ASB13: variants seen among roughly 807,000 people sequenced by gnomAD.
ASB13 encodes the protein ankyrin repeat and SOCS box containing 13, also known as ankyrin repeat and SOCS box protein 13.
A neutral mutation model predicts 28.8 loss-of-function variants in ASB13; 33 were observed. That is an observed-to-expected ratio of 1.15 (90% CI 0.87 to 1.53). The LOEUF is 1.53. Ranked by LOEUF, ASB13 falls within the 40% of genes most tolerant of loss-of-function variation. The probability of loss-of-function intolerance (pLI) is 0.00; values close to 1 mark genes in which losing one functional copy is unlikely to be tolerated. For missense variants in ASB13, 414 were observed against 390.1 expected (o/e 1.06, Z -0.52); for synonymous variants, 182 against 172.9 (o/e 1.05, Z -0.41).
At position 5,655,607 on chromosome 10, in the gene ASB13, TG is replaced by T. The variant is rs1202528642; in HGVS notation, c.44-2558del. ...AAAGGAAGATTCGATCCCCACAAAA[TG>T]TAAAAGTCAAGCTTGTGGAACTTTC... On this transcript the variant is annotated intron_variant, in intron 1 of 5. Coordinates refer to ENST00000357700, the MANE Select transcript of ASB13 (RefSeq NM_024701.4). This position sits in a 1 kb window ranked among gnomAD's most constrained non-coding sequence, Gnocchi z 6.2. 6.6e-6 allele frequency among the ~76,000 whole-genome samples: 1 copy of T among 152,144 alleles called. No homozygotes were observed. The highest frequency in any genetic ancestry group is 1.5e-5 in the Non-Finnish European group (1 of 68,038).
rs188751475 is a variant in ASB13 at position 5,642,733 on chromosome 10, G to A, written c.518-772C>T. Among the ~76,000 whole-genome samples, 133 of 151,148 alleles carry A rather than the reference G, an allele frequency of 8.8e-4. No homozygotes were observed. Among genetic ancestry groups the A allele is most frequent in the African/African-American group, 2.9e-3 (119 of 41,168 alleles). Reference sequence around the variant, plus strand: ...ATGATCTCGGCTCACTGCAACCTCCGCCTCCAGGGTTCAAGCGATTCTCCT... The same window carrying A: ...ATGATCTCGGCTCACTGCAACCTCCACCTCCAGGGTTCAAGCGATTCTCCT... On this transcript the variant is annotated intron_variant, in intron 4 of 5. Coordinates refer to ENST00000357700, the MANE Select transcript of ASB13 (RefSeq NM_024701.4). This position sits in a 1 kb window ranked among gnomAD's most constrained non-coding sequence, Gnocchi z 4.1.
rs1458777216 is a variant in ASB13, at chr10:5,659,147, T to C, written c.44-6097A>G. On this transcript the variant is annotated intron_variant, in intron 1 of 5. Transcript: ENST00000357700. This position sits in a 1 kb window ranked among gnomAD's most constrained non-coding sequence, Gnocchi z 5.8. The stretch of plus-strand genomic sequence containing the variant: ...TGGATTGCAGGCTGCTTCCAGCCCC[T>C]GTGCCAGGCTCCCTGTGGTGGCAAG... Among the ~76,000 whole-genome samples, 1 of 152,194 alleles carries C rather than the reference T, an allele frequency of 6.6e-6. No homozygotes were observed. The highest frequency in any genetic ancestry group is 2.1e-4 in the South Asian group (1 of 4,834).
rs1214275719 is a variant in ASB13, at chr10:5,639,688, C to T, written c.*1015G>A. 4 of 604 alleles carry T rather than the reference C, an allele frequency of 6.6e-3. No individual in the cohort carries two copies. Among genetic ancestry groups the T allele is most frequent in the Non-Finnish European group, 0.048 (4 of 84 alleles). 0.0% of individuals were successfully genotyped at this position (604 alleles called of 1,614,324 possible). ...GCTGCAGAGTCCCATTCCCGTCCAA[C>T]TCAAAGCACTGGGACAATGCTGGAT... is the stretch of plus-strand genomic sequence containing the variant. On this transcript the variant is annotated 3_prime_UTR_variant, in exon 6 of 6. Coordinates refer to ENST00000357700, the MANE Select transcript of ASB13 (RefSeq NM_024701.4).
Position 5,653,014 on chromosome 10 carries a change from G to A in ASB13, c.80C>T (p.Ala27Val). The change falls in exon 2 of 6, where the codon GCC (alanine) becomes GTC (valine). Residue 27 changes from alanine to valine, a missense_variant. Transcript: ENST00000357700. ...CAGCTGCAGGCTCTCACCCCGCTGG[G>A]CTGCCTCGTGCACAGGGGTCCGCTC... ...WVERTPVHEA[A>V]QRGESLQLQQ... The A allele has an allele frequency of 6.4e-7, 1 of 1,550,948 alleles. No individual in the cohort carries two copies. Among genetic ancestry groups the A allele is most frequent in the Non-Finnish European group, 8.7e-7 (1 of 1,146,896 alleles).
Position 5,642,102 on chromosome 10 carries a change from G to T in ASB13, c.518-141C>A. 1.3e-6 allele frequency: 1 copy of T among 754,366 alleles called. No individual in the cohort carries two copies. The highest frequency in any genetic ancestry group is 2.1e-6 in the Non-Finnish European group (1 of 485,626). 46.7% of individuals were successfully genotyped at this position (754,366 alleles called of 1,614,324 possible). Reference sequence around the variant, plus strand: ...CAAAATCAGGACAGACTCTACCGTAGCTTTCAAAAATGTTTTTCAACATCC... The same window carrying T: ...CAAAATCAGGACAGACTCTACCGTATCTTTCAAAAATGTTTTTCAACATCC... On this transcript the variant is annotated intron_variant, in intron 4 of 5. Coordinates refer to ENST00000357700, the MANE Select transcript of ASB13 (RefSeq NM_024701.4). This position sits in a 1 kb window ranked among gnomAD's most constrained non-coding sequence, Gnocchi z 4.1.
At chr10:5,662,487 G>A (rs1293700582) in intron 1 of ASB13, among the ~76,000 whole-genome samples, 1 of 143,774 alleles carries the variant, frequency 7.0e-6, no homozygotes, top group Admixed American at 7.3e-5. Context: ...CTGAGATCGT[G>A]CCACTGCACT....
rs183057341 is a variant in ASB13, at chr10:5,659,428, T to C, written c.44-6378A>G. The stretch of plus-strand genomic sequence containing the variant: ...AGGAACAAGGTCCACGACCATGCAG[T>C]CACAGGCCCTGTCCCCAGGCTCCCC... On this transcript the variant is annotated intron_variant, in intron 1 of 5. Coordinates refer to ENST00000357700, the MANE Select transcript of ASB13 (RefSeq NM_024701.4). The surrounding 1 kb of genome is among the most constrained non-coding windows in gnomAD (Gnocchi z 5.8). Among the ~76,000 whole-genome samples, 2 of 152,196 alleles carry C rather than the reference T, an allele frequency of 1.3e-5. No homozygotes were observed. Among genetic ancestry groups the C allele is most frequent in the African/African-American group, 4.8e-5 (2 of 41,530 alleles).
Position 5,652,896 on chromosome 10 carries a change from C to A in ASB13, c.198G>T (p.Arg66=). 6.3e-7 allele frequency: 1 copy of A among 1,579,134 alleles called. No homozygotes were observed. The highest frequency in any genetic ancestry group is 2.3e-5 in the East Asian group (1 of 43,578). ...CAGCCGCCAGCAGCAGCTGCACACA[C>A]CGCGCCTGGCCCTGCAGACTGGCTG... The part of the protein sequence containing the change: ...LHAASLQGQA[R]CVQLLLAAGA... The change falls in exon 2 of 6, where the codon CGG becomes CGT. Residue 66 remains arginine (R), a synonymous_variant. Coordinates refer to ENST00000357700, the MANE Select transcript of ASB13 (RefSeq NM_024701.4). The surrounding 1 kb of genome is among the most constrained non-coding windows in gnomAD (Gnocchi z 5.0).
chr10:5,644,450 C>T lies in ASB13; in HGVS notation c.518-2489G>A, dbSNP rs1309963155. 2.0e-5 allele frequency among the ~76,000 whole-genome samples: 3 copies of T among 152,200 alleles called. No individual in the cohort carries two copies. Among genetic ancestry groups the T allele is most frequent in the East Asian group, 1.9e-4 (1 of 5,170 alleles). On this transcript the variant is annotated intron_variant, in intron 4 of 5. Coordinates refer to ENST00000357700, the MANE Select transcript of ASB13 (RefSeq NM_024701.4). The surrounding 1 kb of genome is among the most constrained non-coding windows in gnomAD (Gnocchi z 5.1). ...GGTTGAGGCTGCAGCAAGCCACGAT[C>T]GTACCACTGCACTCCAGCCTGGATG...
chr10:5,660,361 T>C lies in ASB13; in HGVS notation c.43+6148A>G, dbSNP rs562811206. Among the ~76,000 whole-genome samples the C allele has an allele frequency of 7.2e-5, 11 of 152,266 alleles. No homozygotes were observed. In the South Asian group the frequency reaches 1.0e-3, roughly 14 times the overall value. On this transcript the variant is annotated intron_variant, in intron 1 of 5. Transcript: ENST00000357700. This position sits in a 1 kb window ranked among gnomAD's most constrained non-coding sequence, Gnocchi z 6.1. Reference sequence around the variant, plus strand: ...GCTCCTCTTCCCCTCTCTTGCCCCTTTGCTGGGGCCCCGACACCCTCCCAT... The same window carrying C: ...GCTCCTCTTCCCCTCTCTTGCCCCTCTGCTGGGGCCCCGACACCCTCCCAT...
Position 5,664,659 on chromosome 10 carries a change from A to AATTT in ASB13, c.43+1846_43+1849dup, listed in dbSNP as rs1357957774. Among the ~76,000 whole-genome samples the AATTT allele has an allele frequency of 2.6e-5, 4 of 152,138 alleles. No individual in the cohort carries two copies. The highest frequency in any genetic ancestry group is 9.6e-5 in the African/African-American group (4 of 41,510). ...AGAAGGACGTCCATAGGGAATGCAG[A>AATTT]ATTTCTTTATTTCTTTATTTATTTA... is the stretch of plus-strand genomic sequence containing the variant. On this transcript the variant is annotated intron_variant, in intron 1 of 5. Coordinates refer to ENST00000357700, the MANE Select transcript of ASB13 (RefSeq NM_024701.4). This position sits in a 1 kb window ranked among gnomAD's most constrained non-coding sequence, Gnocchi z 4.2.
At position 5,640,615 on chromosome 10, in the gene ASB13, C is replaced by G; in HGVS notation, c.*88G>C. The stretch of plus-strand genomic sequence containing the variant: ...GGAGCGTTGTTCTATCTACAGCAAT[C>G]ACGCTGCTTCAGAGGAACAGGCAGA... On this transcript the variant is annotated 3_prime_UTR_variant, in exon 6 of 6. Coordinates refer to ENST00000357700, the MANE Select transcript of ASB13 (RefSeq NM_024701.4). 6.5e-7 allele frequency: 1 copy of G among 1,538,382 alleles called. No homozygotes were observed. The highest frequency in any genetic ancestry group is 1.2e-5 in the South Asian group (1 of 86,546).
rs889600463 is a variant in ASB13, at chr10:5,649,769, G to A, written c.383-665C>T. Among the ~76,000 whole-genome samples the A allele has an allele frequency of 1.3e-5, 2 of 151,628 alleles. No individual in the cohort carries two copies. The highest frequency in any genetic ancestry group is 2.4e-5 in the African/African-American group (1 of 41,268). On this transcript the variant is annotated intron_variant, in intron 3 of 5. Coordinates refer to ENST00000357700, the MANE Select transcript of ASB13 (RefSeq NM_024701.4). This position sits in a 1 kb window ranked among gnomAD's most constrained non-coding sequence, Gnocchi z 6.4. ...TCAAACTCCTGACCTCAGGTGATCCGCCCACCTCAGCCTCCCAAAGTGCTG... is the reference window on the plus strand; with the variant it reads ...TCAAACTCCTGACCTCAGGTGATCCACCCACCTCAGCCTCCCAAAGTGCTG...
rs41290341 is a variant in ASB13 at position 5,640,419 on chromosome 10, A to C, written c.*284T>G. On this transcript the variant is annotated 3_prime_UTR_variant, in exon 6 of 6. Coordinates refer to ENST00000357700, the MANE Select transcript of ASB13 (RefSeq NM_024701.4). ...AGTGCCTTTGAGGATGGTCCGTAAA[A>C]GAGGAAAACTGGATGGTTGGGCCCA... 8.2e-3 allele frequency: 2,772 copies of C among 337,264 alleles called. 18 individuals carry two copies. Among genetic ancestry groups the C allele is most frequent in the Non-Finnish European group, 0.011 (2,077 of 180,870 alleles). 20.9% of individuals were successfully genotyped at this position (337,264 alleles called of 1,614,324 possible).
At chr10:5,662,560 G>A (rs1416859464) in intron 1 of ASB13, among the ~76,000 whole-genome samples, 2 of 31,382 alleles carry the variant, frequency 6.4e-5, no homozygotes, top group Admixed American at 2.7e-4. Context: ...GGAGGGGAGG[G>A]GAGGGGAGAA....
intron 1 of ASB13, among the ~76,000 whole-genome samples, chr10:5,654,577 G>C (rs1835042902): frequency 6.6e-6 from 1 of 152,204 alleles, no homozygotes; most frequent in Non-Finnish European, 1.5e-5. Flanking sequence ...TGTTTTCTCA[G>C]CACCCATCTC....
Position 5,639,768 on chromosome 10 carries a change from TG to T in ASB13, c.*934del, listed in dbSNP as rs1834777488. ...TTCAAGGAGTTAGCAAACTGTAGGGTGGGTGAAGAATTCATTTGACAACCAT... is the reference window on the plus strand; with the variant it reads ...TTCAAGGAGTTAGCAAACTGTAGGGTGGTGAAGAATTCATTTGACAACCAT... On this transcript the variant is annotated 3_prime_UTR_variant, in exon 6 of 6. Coordinates refer to ENST00000357700, the MANE Select transcript of ASB13 (RefSeq NM_024701.4). 8.5e-4 allele frequency: 1 copy of T among 1,178 alleles called. No homozygotes were observed. Among genetic ancestry groups the T allele is most frequent in the Non-Finnish European group, 3.4e-3 (1 of 290 alleles). 0.1% of individuals were successfully genotyped at this position (1,178 alleles called of 1,614,324 possible).
intron 1 of ASB13, among the ~76,000 whole-genome samples, chr10:5,662,635 A>AGAGAAGAGAAGAGAT (rs1564223044): frequency 6.3e-5 from 9 of 143,060 alleles, no homozygotes; most frequent in Admixed American, 2.6e-4. Context: ...AGAGAAGAGA[A>AGAGAAGAGAAGAGAT]GAGATGAGAT....
rs1227196724 is a variant in ASB13, at chr10:5,651,091, C to T, written c.382+122G>A. ...GAGCCAGAAACAGACTCAGAACTCT[C>T]CTTCACCAGCCAAGGGCTCCCAATT... On this transcript the variant is annotated intron_variant, in intron 3 of 5. Coordinates refer to ENST00000357700, the MANE Select transcript of ASB13 (RefSeq NM_024701.4). This position sits in a 1 kb window ranked among gnomAD's most constrained non-coding sequence, Gnocchi z 5.1. 6 of 1,292,222 alleles carry T rather than the reference C, an allele frequency of 4.6e-6. No homozygotes were observed. Among genetic ancestry groups the T allele is most frequent in the Non-Finnish European group, 5.3e-6 (5 of 948,452 alleles). The allele number at this position is 1,292,222 out of a possible 1,614,324, so 80.0% of individuals were successfully genotyped here.
Sources: gnomAD v4.1 joint callset for allele counts (sites outside exome capture counted in the v4.1 genomes callset) on GRCh38, gnomAD v4.1.1 for gene constraint, Gnocchi (gnomAD v3.1) non-coding constraint, MANE v1.5 for transcripts, NCBI Gene and HGNC (gene_info 2026-07-23, HGNC 2026-07-21) for gene names.